Variants in SMARCA4 observed in about 807,000 individuals in gnomAD.
SMARCA4 encodes SWI/SNF-related matrix-associated actin-dependent regulator of chromatin subfamily A member 4.
In SMARCA4, 31 loss-of-function variants were observed where a neutral mutation model predicts 193.9. The observed-to-expected ratio is 0.16, with a 90% CI of 0.12 to 0.22. The LOEUF (loss-of-function observed/expected upper bound fraction) is 0.22. Among genes scored for constraint, SMARCA4 ranks in the 10% least tolerant of loss-of-function variants. The probability of loss-of-function intolerance (pLI) is 1.00; values close to 1 mark genes in which losing one functional copy is unlikely to be tolerated. For synonymous variants in SMARCA4, 942 were observed against 933.1 expected, an observed-to-expected ratio of 1.01 and a Z score of -0.17; for missense variants, 1,148 against 2,296.0, an observed-to-expected ratio of 0.50 and a Z score of 10.22.
rs548440248 is a variant in SMARCA4, at chr19:10,967,402, C to G, written c.-32+6228C>G. The stretch of plus-strand genomic sequence containing the variant: ...CTCAGCTCACTGCAAGCTCCCCCTT[C>G]CGGGTTCACGCCATTCTCCTGCCTC... On this transcript the variant is annotated intron_variant, in intron 1 of 34. Coordinates refer to ENST00000344626, the MANE Select transcript of SMARCA4 (RefSeq NM_003072.5). 5.6e-4 allele frequency among the ~76,000 whole-genome samples: 85 copies of G among 152,258 alleles called. 1 individual carries two copies. Among genetic ancestry groups the G allele is most frequent in the African/African-American group, 1.7e-3 (70 of 41,554 alleles).
intron 30 of SMARCA4, among the ~76,000 whole-genome samples, chr19:11,050,861 C>A (rs3786722): frequency 0.18 from 26,998 of 152,254 alleles, 3,005 homozygotes; most frequent in Non-Finnish European, 0.25. Flanking sequence ...AGGGGGGCTC[C>A]TCAGGGCTGT....
chr19:11,039,413 T>C (rs374537579), intron 29 of SMARCA4: 1 of 1,164,852 alleles, frequency 8.6e-7, no homozygotes, highest in Non-Finnish European at 1.2e-6. Context: ...TTAGGGCACG[T>C]TGTGCACTGA....
rs60448955 is a variant in SMARCA4 at position 11,058,122 on chromosome 19, G to A, written c.4425-133G>A. The stretch of plus-strand genomic sequence containing the variant: ...ACTCCGTCTCAAAAAAAAAAAAAGC[G>A]CATGTGCAAGAAATAGCTCCTGAGC... On this transcript the variant is annotated intron_variant, in intron 30 of 34. Transcript: ENST00000344626. This position sits in a 1 kb window ranked among gnomAD's most constrained non-coding sequence, Gnocchi z 5.8. 0.27 allele frequency: 174,035 copies of A among 640,024 alleles called. 25,160 individuals carry two copies. The highest frequency in any genetic ancestry group is 0.31 in the South Asian group (17,966 of 57,654). The allele number at this position is 640,024 out of a possible 1,614,324, so 39.6% of individuals were successfully genotyped here. A position where few individuals can be genotyped will look rare whatever the true frequency, so the allele number is the denominator to read the frequency against.
intron 16 of SMARCA4, among the ~76,000 whole-genome samples, chr19:11,016,418 T>C (rs934912021): frequency 7.9e-5 from 12 of 152,128 alleles, no homozygotes; most frequent in African/African-American, 2.7e-4. Flanking sequence ...CCTGAAAAAA[T>C]AATTACATGA....
chr19:10,989,605 T>C (rs547024378), intron 7 of SMARCA4, among the ~76,000 whole-genome samples, 162 bp downstream of exon 7: 9 of 152,296 alleles, frequency 5.9e-5, no homozygotes, highest in African/African-American at 2.2e-4. Flanking sequence ...AGCCTTCCTC[T>C]TACGGCCTGC....
At chr19:11,061,759 C>G in intron 34 of SMARCA4, 25 bp from the exon 35 acceptor site, 1 of 1,612,682 alleles carries the variant, frequency 6.2e-7, no homozygotes, top group Non-Finnish European at 8.5e-7. Context: ...CCAACGCACA[C>G]TCTCTCCTCC....
chr19:11,039,546 C>A, intron 29 of SMARCA4: 1 of 1,593,734 alleles, frequency 6.3e-7, no homozygotes, highest in Non-Finnish European at 8.5e-7. Flanking sequence ...TGCACACGTG[C>A]GTCAAAGGTG....
At chr19:10,980,040 G>A (rs567682973) in intron 1 of SMARCA4, among the ~76,000 whole-genome samples, 84 of 152,230 alleles carry the variant, frequency 5.5e-4, no homozygotes, top group African/African-American at 1.9e-3. Context: ...GCTGCAAGTC[G>A]GCCAGTGCTT....
chr19:10,983,918 G>T (rs941827644), intron 1 of SMARCA4, among the ~76,000 whole-genome samples: 1 of 152,062 alleles, frequency 6.6e-6, no homozygotes, highest in Non-Finnish European at 1.5e-5. Flanking sequence ...CCCCTTCCTG[G>T]GTAGACTGAC....
intron 30 of SMARCA4, among the ~76,000 whole-genome samples, chr19:11,045,095 C>T (rs980097559): frequency 2.6e-5 from 4 of 151,932 alleles, no homozygotes; most frequent in South Asian, 2.1e-4. Flanking sequence ...CCGAGGCGGG[C>T]GGATCACGAG....
At chr19:10,975,018 T>A (rs868684191) in intron 1 of SMARCA4, among the ~76,000 whole-genome samples, 7 of 109,288 alleles carry the variant, frequency 6.4e-5, no homozygotes, top group Non-Finnish European at 9.3e-5. Flanking sequence ...ATAGTTATTC[T>A]TTTTTTTTTT....
chr19:10,985,358 A>G lies in SMARCA4; in HGVS notation c.308A>G (p.His103Arg), dbSNP rs770147215. ...GGAATGGGGATGCGGTCAGGGGGCC[A>G]TGCTGGGATGGGGCCCCCGCCCAGC... ...MKGMGMRSGGHAGMGPPPSPM... is the reference protein window; with the variant it reads ...MKGMGMRSGGRAGMGPPPSPM... Residue 103 changes from histidine (H) to arginine (R), a missense_variant, in exon 3 of 35, where the codon CAT becomes CGT. His to Arg is a conservative substitution (Grantham distance 29, BLOSUM62 0). Coordinates refer to ENST00000344626, the MANE Select transcript of SMARCA4 (RefSeq NM_003072.5). This position sits in a 1 kb window ranked among gnomAD's most constrained non-coding sequence, Gnocchi z 4.5. 14 of 1,613,884 alleles carry G rather than the reference A, an allele frequency of 8.7e-6. No individual in the cohort carries two copies. The highest frequency in any genetic ancestry group is 2.2e-5 in the East Asian group (1 of 44,882).
At chr19:10,961,195 G>C (rs1482908660) in intron 1 of SMARCA4, 21 bp downstream of exon 1, 5 of 149,134 alleles carry the variant, frequency 3.4e-5, no homozygotes, top group Non-Finnish European at 7.5e-5. Context: ...CGGGCCGCGG[G>C]GGCAGCGCGG....
chr19:10,971,112 C>T (rs2084634837), intron 1 of SMARCA4, among the ~76,000 whole-genome samples: 1 of 152,192 alleles, frequency 6.6e-6, no homozygotes, highest in Non-Finnish European at 1.5e-5. Flanking sequence ...AGGAGAATCA[C>T]TTGAACCCAG....
intron 11 of SMARCA4, among the ~76,000 whole-genome samples, chr19:10,998,337 G>A (rs1019143498): frequency 6.6e-6 from 1 of 152,162 alleles, no homozygotes; most frequent in African/African-American, 2.4e-5. Flanking sequence ...GCGGAGGTTA[G>A]CAAATAAGGT....
In SMARCA4 at chr19:10,996,197, C is replaced by A. The variant is rs375437147; in HGVS notation, c.1594-16C>A. ...CATTGTGCCACCACATTGCAGTAAC[C>A]CCCATGCTTTTGTAGGCTGAAGATG... is the stretch of plus-strand genomic sequence containing the variant. On this transcript the variant is annotated splice_polypyrimidine_tract_variant and intron_variant, in intron 9 of 34. Transcript: ENST00000344626. 1.2e-6 allele frequency: 2 copies of A among 1,613,926 alleles called. No individual in the cohort carries two copies. Among genetic ancestry groups the A allele is most frequent in the Non-Finnish European group, 1.7e-6 (2 of 1,179,852 alleles).
intron 11 of SMARCA4, among the ~76,000 whole-genome samples, chr19:11,001,850 T>C (rs561243300): frequency 3.3e-5 from 5 of 152,270 alleles, no homozygotes; most frequent in Admixed American, 3.3e-4. Context: ...ATACAAGAAT[T>C]GATGAGGGAG....
chr19:10,991,422 T>C lies in SMARCA4; in HGVS notation c.1419+99T>C. The stretch of plus-strand genomic sequence containing the variant: ...GCTGTGTTTGCTTTGTTCCTAAACA[T>C]GCTGCTTGTCTCTCTCTTTTGCTCA... On this transcript the variant is annotated intron_variant, in intron 8 of 34. Coordinates refer to ENST00000344626, the MANE Select transcript of SMARCA4 (RefSeq NM_003072.5). The C allele has an allele frequency of 2.0e-6, 3 of 1,528,212 alleles. No homozygotes were observed. In the South Asian group the frequency reaches 3.6e-5, roughly 18 times the overall value. 94.7% of individuals were successfully genotyped at this position (1,528,212 alleles called of 1,614,324 possible).
At chr19:10,973,187 G>T (rs540740659) in intron 1 of SMARCA4, among the ~76,000 whole-genome samples, 1 of 152,130 alleles carries the variant, frequency 6.6e-6, no homozygotes, top group South Asian at 2.1e-4. Flanking sequence ...CACTTGATGC[G>T]GTTACTCTGC....
Sources: gnomAD v4.1 joint callset for allele counts (sites outside exome capture counted in the v4.1 genomes callset) on GRCh38, gnomAD v4.1.1 for gene constraint, Gnocchi (gnomAD v3.1) non-coding constraint, MANE v1.5 for transcripts, NCBI Gene and HGNC (gene_info 2026-07-23, HGNC 2026-07-21) for gene names.